LRRN1: variants seen among roughly 807,000 people sequenced by gnomAD.
LRRN1 encodes the protein leucine rich repeat neuronal 1.
LRRN1 carries 14 observed loss-of-function variants against 45.8 expected under a neutral mutation model. The observed-to-expected ratio is 0.31, with a 90% CI of 0.20 to 0.48. The LOEUF is 0.48. Among genes scored for constraint, LRRN1 ranks in the 20% least tolerant of loss-of-function variants. The pLI is 0.99. For synonymous variants in LRRN1, 359 were observed against 330.1 expected, an observed-to-expected ratio of 1.09 and a Z score of -0.95; for missense variants, 789 against 874.2, an observed-to-expected ratio of 0.90 and a Z score of 1.23.
At chr3:3,842,922 C>T (rs1693678634) in intron 1 of LRRN1, among the ~76,000 whole-genome samples, 1 of 150,546 alleles carries the variant, frequency 6.6e-6, no homozygotes, top group African/African-American at 2.4e-5. Flanking sequence ...CAGTACATAC[C>T]TGACTTCAGA....
chr3:3,824,300 A>G (rs1693169990), intron 1 of LRRN1, among the ~76,000 whole-genome samples: 1 of 152,210 alleles, frequency 6.6e-6, no homozygotes, highest in Admixed American at 6.5e-5. Context: ...CCTATCTTGA[A>G]TGTCCAACTC....
chr3:3,827,351 A>G, intron 1 of LRRN1: 1 of 414,494 alleles, frequency 2.4e-6, no homozygotes, highest in Non-Finnish European at 4.9e-6. Flanking sequence ...GTTAAGTATC[A>G]CAATCAGCAC....
Position 3,836,080 on chromosome 3 carries a change from C to A in LRRN1, c.-278-8284C>A, listed in dbSNP as rs1288782815. On this transcript the variant is annotated intron_variant, in intron 1 of 1. Transcript: ENST00000319331. ...CTAGTCAGTCAGCCCTAGAAGAAAG[C>A]AATTTCACTTAAAAAAAAAAATCTA... Among the ~76,000 whole-genome samples the A allele has an allele frequency of 8.5e-5, 6 of 71,002 alleles. No individual in the cohort carries two copies. The Admixed American group carries it at 1.1e-3, about 13-fold the overall frequency. 46.6% of individuals were successfully genotyped at this position (71,002 alleles called of 152,430 possible).
chr3:3,809,558 A>G (rs563933812), intron 1 of LRRN1, among the ~76,000 whole-genome samples: 1 of 152,350 alleles, frequency 6.6e-6, no homozygotes, highest in South Asian at 2.1e-4. Context: ...CTGACATGCA[A>G]GTGAAGCATC....
At chr3:3,833,927 T>C (rs528442481) in intron 1 of LRRN1, among the ~76,000 whole-genome samples, 37 of 152,304 alleles carry the variant, frequency 2.4e-4, no homozygotes, top group African/African-American at 7.9e-4. Context: ...TCTTTTCCAA[T>C]CAGTGCCCTC....
At chr3:3,807,728 G>A (rs1009701187) in intron 1 of LRRN1, among the ~76,000 whole-genome samples, 8 of 152,076 alleles carry the variant, frequency 5.3e-5, no homozygotes, top group Non-Finnish European at 1.2e-4. Flanking sequence ...AGAGTTTCCA[G>A]GACACATGTG....
Position 3,804,799 on chromosome 3 carries a change from C to G in LRRN1, c.-279+4880C>G, listed in dbSNP as rs1025432171. Reference sequence around the variant, plus strand: ...AGTTACATTAACAATGTACATGTGACATCCTTCTATGTGAAAGGTTTCTGT... The same window carrying G: ...AGTTACATTAACAATGTACATGTGAGATCCTTCTATGTGAAAGGTTTCTGT... On this transcript the variant is annotated intron_variant, in intron 1 of 1. Transcript: ENST00000319331. Among the ~76,000 whole-genome samples the G allele has an allele frequency of 2.0e-5, 3 of 151,948 alleles. No individual in the cohort carries two copies. In the East Asian group the frequency reaches 5.8e-4, roughly 29 times the overall value.
intron 1 of LRRN1, among the ~76,000 whole-genome samples, chr3:3,815,236 C>T (rs1402294341): frequency 6.6e-6 from 1 of 152,100 alleles, no homozygotes; most frequent in East Asian, 1.9e-4. Flanking sequence ...ACTGGCTCTC[C>T]AAAAAGGTAA....
intron 1 of LRRN1, among the ~76,000 whole-genome samples, chr3:3,823,050 A>G (rs698202): frequency 0.69 from 104,251 of 152,052 alleles, 36,594 homozygotes; most frequent in Non-Finnish European, 0.77. Context: ...CACCCAAGCT[A>G]TTCAGTGAAC....
rs1295539844 is a variant in LRRN1, at chr3:3,836,825, G to A, written c.-278-7539G>A. 2.0e-5 allele frequency among the ~76,000 whole-genome samples: 3 copies of A among 152,220 alleles called. No homozygotes were observed. In the East Asian group the frequency reaches 5.8e-4, roughly 29 times the overall value. On this transcript the variant is annotated intron_variant, in intron 1 of 1. Transcript: ENST00000319331. ...GTGGGCCTGTCTGTCCCCTGTTGCT[G>A]GTACCACATAAGAAGGTTCATCAGT...
intron 1 of LRRN1, among the ~76,000 whole-genome samples, chr3:3,842,343 A>G (rs1483073104): frequency 6.6e-6 from 1 of 151,822 alleles, no homozygotes; most frequent in African/African-American, 2.4e-5. Flanking sequence ...AGTATCAGGC[A>G]ACACACTTAT....
intron 1 of LRRN1, among the ~76,000 whole-genome samples, chr3:3,827,835 T>G (rs578105057): frequency 3.9e-5 from 6 of 152,260 alleles, no homozygotes; most frequent in African/African-American, 1.4e-4. Flanking sequence ...ATAAATTGCC[T>G]GGATAGGGTT....
In LRRN1 at chr3:3,816,127, A is replaced by C. The variant is rs930284118; in HGVS notation, c.-279+16208A>C. The stretch of plus-strand genomic sequence containing the variant: ...TTTTAATAATGAACATATTAGTTGA[A>C]GAGCTATTATAGAATGCACTATGAT... On this transcript the variant is annotated intron_variant, in intron 1 of 1. Transcript: ENST00000319331. The surrounding 1 kb of genome is among the most constrained non-coding windows in gnomAD (Gnocchi z 4.0). 6.6e-6 allele frequency among the ~76,000 whole-genome samples: 1 copy of C among 152,212 alleles called. No individual in the cohort carries two copies. Among genetic ancestry groups the C allele is most frequent in the Non-Finnish European group, 1.5e-5 (1 of 68,036 alleles).
chr3:3,845,958 C>T lies in LRRN1; in HGVS notation c.1317C>T (p.Ile439=), dbSNP rs771241048. 1.6e-5 allele frequency: 26 copies of T among 1,613,968 alleles called. No homozygotes were observed. Among genetic ancestry groups the T allele is most frequent in the Middle Eastern group, 1.6e-4 (1 of 6,084 alleles). The part of the protein sequence containing the change: ...DSFPNRLNVD[I]GTTVFLDCRA... ...TCCCAAATCGTTTAAACGTGGATAT[C>T]GGCACGACGGTTTTCCTAGACTGTC... Residue 439 remains isoleucine, a synonymous_variant, in exon 2 of 2, where the codon ATC becomes ATT. Transcript: ENST00000319331. This position sits in a 1 kb window ranked among gnomAD's most constrained non-coding sequence, Gnocchi z 6.5.
At chr3:3,836,714 T>G (rs1025413964) in intron 1 of LRRN1, among the ~76,000 whole-genome samples, 31 of 152,172 alleles carry the variant, frequency 2.0e-4, no homozygotes, top group Non-Finnish European at 5.9e-5. Context: ...AGGTTTAAAC[T>G]CCTTTCGTTT....
intron 1 of LRRN1, among the ~76,000 whole-genome samples, chr3:3,835,404 AGT>A (rs1490220493): frequency 6.6e-6 from 1 of 152,168 alleles, no homozygotes; most frequent in Non-Finnish European, 1.5e-5. Context: ...GTTTCTACTA[AGT>A]GTGTACTGCT....
chr3:3,824,690 T>C (rs1693178235), intron 1 of LRRN1, among the ~76,000 whole-genome samples: 2 of 152,196 alleles, frequency 1.3e-5, no homozygotes, highest in Non-Finnish European at 2.9e-5. Flanking sequence ...GTGCTACTGA[T>C]AAATGATTCA....
At chr3:3,835,865 G>GA (rs979242978) in intron 1 of LRRN1, among the ~76,000 whole-genome samples, 1,485 of 144,034 alleles carry the variant, frequency 0.01, 23 homozygotes, top group African/African-American at 0.034. Context: ...TATCGTGTTG[G>GA]AAAAAAAAAA....
chr3:3,816,802 TC>T lies in LRRN1; in HGVS notation c.-279+16885del, dbSNP rs1324790468. 6.6e-6 allele frequency among the ~76,000 whole-genome samples: 1 copy of T among 152,106 alleles called. No homozygotes were observed. ...AGAAGGCTGCAATGTACTCTTGGGG[TC>T]CAATAAGACAATTAAGGCAGGTGGT... On this transcript the variant is annotated intron_variant, in intron 1 of 1. Coordinates refer to ENST00000319331, the MANE Select transcript of LRRN1 (RefSeq NM_020873.7). The surrounding 1 kb of genome is among the most constrained non-coding windows in gnomAD (Gnocchi z 4.0).
Sources: allele counts gnomAD v4.1 joint callset (sites outside exome capture counted in the v4.1 genomes callset), GRCh38; gene constraint gnomAD v4.1.1; non-coding constraint Gnocchi (gnomAD v3.1); transcripts MANE v1.5; gene names NCBI Gene and HGNC (gene_info 2026-07-23, HGNC 2026-07-21).